Variants in FRAS1 observed in about 807,000 individuals in gnomAD.
The protein encoded by FRAS1 is Fraser extracellular matrix complex subunit 1.
In FRAS1, 290 loss-of-function variants were observed where a neutral mutation model predicts 435.2. That is an observed-to-expected ratio of 0.67 (90% CI 0.61 to 0.73). The LOEUF is 0.73. FRAS1 is among the 30% of genes least tolerant of loss of function. The pLI is 0.00. For missense variants in FRAS1, 4,860 were observed against 5,001.5 expected, an observed-to-expected ratio of 0.97 and a Z score of 0.85; for synonymous variants, 1,800 against 1,851.0, an observed-to-expected ratio of 0.97 and a Z score of 0.71.
chr4:78,511,405 C>T lies in FRAS1; in HGVS notation c.9912C>T (p.Cys3304=), dbSNP rs760992273. 1 of 1,613,958 alleles carries T rather than the reference C, an allele frequency of 6.2e-7. No homozygotes were observed. Among genetic ancestry groups the T allele is most frequent in the South Asian group, 1.1e-5 (1 of 91,074 alleles). Residue 3304 remains cysteine (C), a synonymous_variant, in exon 64 of 74, where the codon TGC becomes TGT. Transcript: ENST00000512123. ...IVTIGTDSAI[C]HTPVVAGTSR... ...CCATTGGAACAGACAGTGCTATCTGCCACACACCAGTGGTGGCTGGGACAT... is the reference window on the plus strand; with the variant it reads ...CCATTGGAACAGACAGTGCTATCTGTCACACACCAGTGGTGGCTGGGACAT...
intron 4 of FRAS1, among the ~76,000 whole-genome samples, chr4:78,247,191 G>A (rs547985015): frequency 6.8e-4 from 103 of 152,124 alleles, no homozygotes; most frequent in African/African-American, 2.3e-3. Flanking sequence ...AAGTTCTCCC[G>A]CTGGTCTTTC....
intron 48 of FRAS1, 81 bp from the exon 49 acceptor site, chr4:78,464,361 GA>G: frequency 6.4e-7 from 1 of 1,562,962 alleles, no homozygotes; most frequent in Non-Finnish European, 8.7e-7. Context: ...GTGTGAAAGA[GA>G]AAAGTAGAGA....
chr4:78,145,921 C>T (rs912436074), intron 2 of FRAS1, among the ~76,000 whole-genome samples: 2 of 152,080 alleles, frequency 1.3e-5, no homozygotes, highest in South Asian at 2.1e-4. Context: ...TGCTGGTGCT[C>T]GTTCTCTTTC....
chr4:78,114,964 G>A (rs1174420162), intron 2 of FRAS1, among the ~76,000 whole-genome samples: 2 of 152,148 alleles, frequency 1.3e-5, no homozygotes, highest in South Asian at 2.1e-4. Context: ...TTGGCTGTGG[G>A]TTTGTCATAG....
intron 14 of FRAS1, among the ~76,000 whole-genome samples, chr4:78,304,718 T>C (rs1274903872): frequency 6.6e-6 from 1 of 152,234 alleles, no homozygotes; most frequent in Non-Finnish European, 1.5e-5. Flanking sequence ...GATATCCCCT[T>C]TATCATTTTT....
At chr4:78,192,392 C>T (rs1022752893) in intron 2 of FRAS1, among the ~76,000 whole-genome samples, 1 of 152,170 alleles carries the variant, frequency 6.6e-6, no homozygotes. Flanking sequence ...TAGAATTCGG[C>T]TGTGAATCCT....
chr4:78,261,883 T>TCTGC (rs1338771515), intron 6 of FRAS1, among the ~76,000 whole-genome samples: 6 of 152,210 alleles, frequency 3.9e-5, no homozygotes, highest in Non-Finnish European at 1.5e-5. Context: ...CTGCCTCAGC[T>TCTGC]ATGAACTTAG....
chr4:78,310,889 A>G (rs1409764613), intron 15 of FRAS1, among the ~76,000 whole-genome samples: 1 of 152,240 alleles, frequency 6.6e-6, no homozygotes, highest in African/African-American at 2.4e-5. Flanking sequence ...GTATCTGTAG[A>G]AATCTCAAAG....
At chr4:78,109,100 A>C (rs1742551666) in intron 2 of FRAS1, among the ~76,000 whole-genome samples, 2 of 66,274 alleles carry the variant, frequency 3.0e-5, no homozygotes, top group African/African-American at 6.8e-5. Context: ...AATTGTGGCA[A>C]TAATCAATAG....
At chr4:78,483,615 A>T (rs993176830) in intron 58 of FRAS1, among the ~76,000 whole-genome samples, 1 of 151,864 alleles carries the variant, frequency 6.6e-6, no homozygotes, top group African/African-American at 2.4e-5. Flanking sequence ...TATTTCATGT[A>T]TATAGTAGTA....
intron 2 of FRAS1, among the ~76,000 whole-genome samples, chr4:78,163,770 A>G (rs1721233185): frequency 6.6e-6 from 1 of 152,240 alleles, no homozygotes; most frequent in South Asian, 2.1e-4. Context: ...CAGTGTTGAA[A>G]AAATAATATT....
At chr4:78,467,381 T>C (rs1271612080) in intron 50 of FRAS1, among the ~76,000 whole-genome samples, 1 of 152,192 alleles carries the variant, frequency 6.6e-6, no homozygotes, top group African/African-American at 2.4e-5. Context: ...GTTCTATACA[T>C]GTTGTTGCAA....
At chr4:78,514,225 T>C (rs1721135883) in intron 65 of FRAS1, among the ~76,000 whole-genome samples, 1 of 152,212 alleles carries the variant, frequency 6.6e-6, no homozygotes, top group Non-Finnish European at 1.5e-5. Context: ...GGATGCAGGC[T>C]GCCCCGCAAG....
Position 78,515,964 on chromosome 4 carries a change from T to G in FRAS1, c.10340T>G (p.Met3447Arg), listed in dbSNP as rs1326377270. 1 of 1,613,982 alleles carries G rather than the reference T, an allele frequency of 6.2e-7. No homozygotes were observed. The highest frequency in any genetic ancestry group is 8.5e-7 in the Non-Finnish European group (1 of 1,179,880). Residue 3447 changes from methionine (M) to arginine (R), a missense_variant, in exon 66 of 74, where the codon ATG becomes AGG. Coordinates refer to ENST00000512123, the MANE Select transcript of FRAS1 (RefSeq NM_025074.7). The part of the protein sequence containing the change: ...CVWTFDAYYD[M>R]TELIDVCGGS... ...TGGACCTTTGATGCTTATTATGACA[T>G]GACTGAGCTGATTGACGTCTGTGGG...
At chr4:78,524,892 T>G (rs1359125542) in intron 69 of FRAS1, among the ~76,000 whole-genome samples, 1 of 152,060 alleles carries the variant, frequency 6.6e-6, no homozygotes, top group East Asian at 1.9e-4. Flanking sequence ...CATTATAATT[T>G]TAATTAGAAT....
chr4:78,522,340 T>TG (rs1362226475), intron 68 of FRAS1, among the ~76,000 whole-genome samples: 1 of 152,214 alleles, frequency 6.6e-6, no homozygotes, highest in African/African-American at 2.4e-5. Flanking sequence ...TATTCAGTGT[T>TG]CATTGTCACA....
chr4:78,198,381 C>T (rs896717823), intron 2 of FRAS1, among the ~76,000 whole-genome samples: 1 of 139,668 alleles, frequency 7.2e-6, no homozygotes, highest in Admixed American at 7.3e-5. Context: ...AGCATTTCCT[C>T]TGTCTTGATC....
chr4:78,441,409 T>C (rs916859334), intron 41 of FRAS1, 112 bp downstream of exon 41: 15 of 1,025,106 alleles, frequency 1.5e-5, no homozygotes, highest in African/African-American at 4.9e-5. Flanking sequence ...AGGGGAACCA[T>C]TTCAAAGAAA....
intron 59 of FRAS1, among the ~76,000 whole-genome samples, chr4:78,494,293 AT>A (rs1560411931): frequency 6.6e-6 from 1 of 151,964 alleles, no homozygotes; most frequent in African/African-American, 2.4e-5. Context: ...GTCTTAGTCG[AT>A]TTGCATTGCT....
Sources: gnomAD v4.1 joint callset for allele counts (sites outside exome capture counted in the v4.1 genomes callset) on GRCh38, gnomAD v4.1.1 for gene constraint, MANE v1.5 for transcripts, NCBI Gene and HGNC (gene_info 2026-07-23, HGNC 2026-07-21) for gene names.